FOXP1: variants seen among roughly 807,000 people sequenced by gnomAD.
The protein encoded by FOXP1 is forkhead box P1.
A neutral mutation model predicts 98.2 loss-of-function variants in FOXP1; 15 were observed. The ratio of observed to expected loss-of-function variants is 0.15; its 90% CI spans 0.10 to 0.24. The LOEUF is 0.24. FOXP1 is among the 10% of genes least tolerant of loss of function. The pLI, the probability that FOXP1 is intolerant of heterozygous loss-of-function variation, is 1.00. For missense variants in FOXP1, 633 were observed against 848.5 expected (o/e 0.75, Z 3.15); for synonymous variants, 371 against 314.5 (o/e 1.18, Z -1.90).
intron 4 of FOXP1, among the ~76,000 whole-genome samples, chr3:71,351,715 C>A (rs1195188212): frequency 1.3e-5 from 2 of 152,100 alleles, no homozygotes; most frequent in East Asian, 3.9e-4. Flanking sequence ...GGTACGGGAC[C>A]AAAGCTTTGG....
chr3:71,167,330 C>T (rs897041299), intron 6 of FOXP1, among the ~76,000 whole-genome samples: 6 of 152,256 alleles, frequency 3.9e-5, no homozygotes, highest in South Asian at 4.1e-4. Flanking sequence ...CCAACCATTG[C>T]GTTTCCCCAT....
chr3:71,059,657 G>T (rs888625446), intron 7 of FOXP1, among the ~76,000 whole-genome samples: 1 of 152,072 alleles, frequency 6.6e-6, no homozygotes, highest in Non-Finnish European at 1.5e-5. Flanking sequence ...TTCTCCTGTA[G>T]CTGGGATGGA....
At chr3:70,993,830 C>G (rs1233379774) in intron 13 of FOXP1, among the ~76,000 whole-genome samples, 1 of 151,826 alleles carries the variant, frequency 6.6e-6, no homozygotes, top group Non-Finnish European at 1.5e-5. Flanking sequence ...CCTGTCTCTA[C>G]TAAAAATACA....
At chr3:71,062,909 C>A (rs2051749938) in intron 7 of FOXP1, among the ~76,000 whole-genome samples, 2 of 152,096 alleles carry the variant, frequency 1.3e-5, no homozygotes, top group Non-Finnish European at 2.9e-5. Context: ...TTACTATGTG[C>A]CCCTTTACCT....
At chr3:70,980,637 A>G (rs1575833287) in intron 14 of FOXP1, among the ~76,000 whole-genome samples, 1 of 152,160 alleles carries the variant, frequency 6.6e-6, no homozygotes, top group African/African-American at 2.4e-5. Flanking sequence ...AACACTAACC[A>G]GTTTCATTTT....
chr3:71,049,673 G>C (rs1168716698), intron 9 of FOXP1, among the ~76,000 whole-genome samples: 2 of 152,066 alleles, frequency 1.3e-5, no homozygotes, highest in African/African-American at 4.8e-5. Flanking sequence ...ATAAAATTAT[G>C]AGCCGCTAAT....
intron 3 of FOXP1, among the ~76,000 whole-genome samples, chr3:71,377,787 C>A (rs533740429): frequency 5.9e-5 from 9 of 152,242 alleles, no homozygotes; most frequent in Admixed American, 1.3e-4. Context: ...GCTGGTAACA[C>A]GAAGACATTA....
At chr3:71,498,603 A>T (rs2041086573) in intron 2 of FOXP1, among the ~76,000 whole-genome samples, 1 of 152,190 alleles carries the variant, frequency 6.6e-6, no homozygotes, top group Non-Finnish European at 1.5e-5. Context: ...AAGAGGATTG[A>T]GGAACTGCAG....
At chr3:71,545,093 CAA>C (rs2045249732) in intron 2 of FOXP1, among the ~76,000 whole-genome samples, 1 of 139,012 alleles carries the variant, frequency 7.2e-6, no homozygotes. Flanking sequence ...GGTGGTAAAA[CAA>C]TTTTTTTTTT....
rs146879996 is a variant in FOXP1 at position 71,199,266 on chromosome 3, A to T, written c.-11-874T>A. Among the ~76,000 whole-genome samples the T allele has an allele frequency of 2.6e-3, 398 of 151,992 alleles. 1 individual carries two copies. The highest frequency in any genetic ancestry group is 9.0e-3 in the African/African-American group (374 of 41,504). On this transcript the variant is annotated intron_variant, in intron 5 of 20. Transcript: ENST00000649528. ...ATTACAGATGCCCACCACCAGGCCCAGCTAATTTTTGTATTTTTAGTAGAG... is the reference window on the plus strand; with the variant it reads ...ATTACAGATGCCCACCACCAGGCCCTGCTAATTTTTGTATTTTTAGTAGAG...
chr3:71,581,548 C>T lies in FOXP1; in HGVS notation c.-298+1G>A. 2.0e-6 allele frequency: 2 copies of T among 985,476 alleles called. No individual in the cohort carries two copies. The highest frequency in any genetic ancestry group is 2.4e-6 in the Non-Finnish European group (2 of 829,980). The allele number at this position is 985,476 out of a possible 1,614,324, so 61.0% of individuals were successfully genotyped here. A position where few individuals can be genotyped will look rare whatever the true frequency, so the allele number is the denominator to read the frequency against. On this transcript the variant is annotated splice_donor_variant, in intron 2 of 20. Coordinates refer to ENST00000649528, the MANE Select transcript of FOXP1 (RefSeq NM_001349338.3). LOFTEE classifies it low-confidence loss of function (5UTR_SPLICE). The stretch of plus-strand genomic sequence containing the variant: ...CCGCGCCCGCGGCCGCCTCGACTTA[C>T]CCGCGGAGTCCGGGGAGGGAGTAGG...
chr3:71,295,107 C>T (rs904069601), intron 5 of FOXP1, among the ~76,000 whole-genome samples: 4 of 152,096 alleles, frequency 2.6e-5, no homozygotes, highest in African/African-American at 7.2e-5. Flanking sequence ...TATGTGTGTA[C>T]GGGGGATCAG....
chr3:71,289,289 T>C (rs1404840912), intron 5 of FOXP1, among the ~76,000 whole-genome samples: 4 of 152,136 alleles, frequency 2.6e-5, no homozygotes, highest in Non-Finnish European at 5.9e-5. Context: ...TCCGCCTGCC[T>C]TGGCCTCCCA....
chr3:71,295,586 C>T (rs1437522861), intron 5 of FOXP1, among the ~76,000 whole-genome samples: 1 of 151,944 alleles, frequency 6.6e-6, no homozygotes, highest in African/African-American at 2.4e-5. Flanking sequence ...TGAACCAATA[C>T]ACAAAATGTG....
chr3:71,086,526 G>C (rs973471677), intron 7 of FOXP1, among the ~76,000 whole-genome samples: 1 of 152,128 alleles, frequency 6.6e-6, no homozygotes, highest in Non-Finnish European at 1.5e-5. Context: ...TAAAATTGCT[G>C]TTGCCTTTTC....
chr3:71,340,962 T>C lies in FOXP1; in HGVS notation c.-73+18188A>G, dbSNP rs536917186. 2.0e-5 allele frequency among the ~76,000 whole-genome samples: 3 copies of C among 152,156 alleles called. No individual in the cohort carries two copies. In the South Asian group the frequency reaches 6.2e-4, roughly 32 times the overall value. ...TTCACCTAAAAACAGAACCCCAAAA[T>C]ATATGAAGCAAAACTGACAGAGCTG... On this transcript the variant is annotated intron_variant, in intron 4 of 20. Coordinates refer to ENST00000649528, the MANE Select transcript of FOXP1 (RefSeq NM_001349338.3).
At chr3:71,503,164 C>G (rs1338906413) in intron 2 of FOXP1, among the ~76,000 whole-genome samples, 1 of 152,092 alleles carries the variant, frequency 6.6e-6, no homozygotes, top group Non-Finnish European at 1.5e-5. Flanking sequence ...ATCAGAAGAG[C>G]CCCTCTGTGG....
rs528075960 is a variant in FOXP1, at chr3:70,954,720, C to T, written c.*4527G>A. On this transcript the variant is annotated 3_prime_UTR_variant, in exon 21 of 21. Coordinates refer to ENST00000649528, the MANE Select transcript of FOXP1 (RefSeq NM_001349338.3). ...AGGCTGTGGCAACTTTTACTACCAG[C>T]GTGAACAACCAGCATTTTTATTGCA... is the stretch of plus-strand genomic sequence containing the variant. 18 of 223,816 alleles carry T rather than the reference C, an allele frequency of 8.0e-5. No individual in the cohort carries two copies. The South Asian group carries it at 9.2e-4, about 11-fold the overall frequency. The allele number at this position is 223,816 out of a possible 1,614,324, so 13.9% of individuals were successfully genotyped here.
chr3:71,576,871 C>T (rs966791183), intron 2 of FOXP1, among the ~76,000 whole-genome samples: 5 of 152,154 alleles, frequency 3.3e-5, no homozygotes, highest in Admixed American at 6.5e-5. Flanking sequence ...GTTCTCACAG[C>T]GGCTGGCTAG....
Sources: allele counts gnomAD v4.1 joint callset (sites outside exome capture counted in the v4.1 genomes callset), GRCh38; gene constraint gnomAD v4.1.1; transcripts MANE v1.5; gene names NCBI Gene and HGNC (gene_info 2026-07-23, HGNC 2026-07-21).